Variants in MAP7 observed in about 807,000 individuals in gnomAD.
MAP7 encodes microtubule associated protein 7.
In MAP7, 52 loss-of-function variants were observed where a neutral mutation model predicts 94.8. The ratio of observed to expected loss-of-function variants is 0.55; its 90% CI spans 0.44 to 0.69. The LOEUF is 0.69. Ranked by LOEUF, MAP7 falls within the 30% of genes least tolerant of loss-of-function variation. The probability of loss-of-function intolerance (pLI) is 0.00; values close to 1 mark genes in which losing one functional copy is unlikely to be tolerated. For missense variants in MAP7, 940 were observed against 964.6 expected, an observed-to-expected ratio of 0.97 and a Z score of 0.34; for synonymous variants, 350 against 357.0, an observed-to-expected ratio of 0.98 and a Z score of 0.22.
At chr6:136,504,177 A>G (rs952530083) in intron 1 of MAP7, among the ~76,000 whole-genome samples, 4 of 152,168 alleles carry the variant, frequency 2.6e-5, no homozygotes, top group Admixed American at 6.5e-5. Flanking sequence ...ATAGATATAT[A>G]TATGTGGTAA....
intron 3 of MAP7, among the ~76,000 whole-genome samples, chr6:136,399,344 T>C (rs866588828): frequency 6.6e-6 from 1 of 152,138 alleles, no homozygotes; most frequent in African/African-American, 2.4e-5. Flanking sequence ...TTAGATTCCT[T>C]TTCTTTTTCT....
intron 3 of MAP7, 115 bp downstream of exon 3, chr6:136,411,505 C>T (rs972330400): frequency 5.0e-6 from 4 of 806,710 alleles, no homozygotes; most frequent in Middle Eastern, 2.3e-4. Context: ...TTTATCATCA[C>T]ATACTAAATT....
intron 1 of MAP7, among the ~76,000 whole-genome samples, chr6:136,468,549 C>T (rs963419181): frequency 1.3e-5 from 2 of 152,216 alleles, no homozygotes; most frequent in East Asian, 1.9e-4. Flanking sequence ...AATATCATAG[C>T]TTAGCCTAGC....
chr6:136,388,265 T>C, intron 5 of MAP7, 128 bp downstream of exon 5: 1 of 739,666 alleles, frequency 1.4e-6, no homozygotes, highest in Non-Finnish European at 2.3e-6. Flanking sequence ...AGTGAAAGAT[T>C]CATTTCATTG....
rs187319834 is a variant in MAP7, at chr6:136,418,250, C to A, written c.166+3451G>T. On this transcript the variant is annotated intron_variant, in intron 2 of 17. Transcript: ENST00000354570. ...TTGTTTTTTGAGACAGAGTCTCGCT[C>A]TGTTGCCCAGGCTAGAGTATAGTGG... Among the ~76,000 whole-genome samples the A allele has an allele frequency of 4.6e-5, 7 of 152,352 alleles. No homozygotes were observed. In the East Asian group the frequency reaches 1.2e-3, roughly 25 times the overall value.
intron 1 of MAP7, among the ~76,000 whole-genome samples, chr6:136,500,339 T>C (rs1407231340): frequency 6.6e-6 from 1 of 152,250 alleles, no homozygotes; most frequent in Non-Finnish European, 1.5e-5. Context: ...AGTCTCAACA[T>C]TGATTCTTCA....
intron 1 of MAP7, among the ~76,000 whole-genome samples, chr6:136,528,595 T>G (rs1331638845): frequency 1.3e-5 from 2 of 152,256 alleles, no homozygotes; most frequent in African/African-American, 4.8e-5. Flanking sequence ...TACTTGAAAC[T>G]ACCTTTTGGT....
rs577630426 is a variant in MAP7, at chr6:136,400,164, C to T, written c.245-10647G>A. 5.8e-4 allele frequency among the ~76,000 whole-genome samples: 88 copies of T among 152,168 alleles called. 1 individual carries two copies. The highest frequency in any genetic ancestry group is 2.0e-3 in the African/African-American group (81 of 41,532). On this transcript the variant is annotated intron_variant, in intron 3 of 17. Transcript: ENST00000354570. ...GGGTGTGGTGGCTCACGCCTGTAAT[C>T]CCAGCACTTTGGGAGGCTGAGGCGG...
intron 3 of MAP7, among the ~76,000 whole-genome samples, chr6:136,403,877 G>A (rs560543882): frequency 7.9e-5 from 12 of 152,340 alleles, no homozygotes; most frequent in Non-Finnish European, 1.5e-4. Flanking sequence ...TCACTAAGAT[G>A]CATTTAGGTC....
chr6:136,364,943 T>C (rs979690001), intron 10 of MAP7: 1 of 152,250 alleles, frequency 6.6e-6, no homozygotes, highest in Non-Finnish European at 1.5e-5. Flanking sequence ...ATATGATAAA[T>C]GTTTGTTGTT....
chr6:136,398,487 T>C (rs1562354098), intron 3 of MAP7, among the ~76,000 whole-genome samples: 1 of 152,218 alleles, frequency 6.6e-6, no homozygotes, highest in Non-Finnish European at 1.5e-5. Flanking sequence ...CCAAATCTCA[T>C]CTTGAATTGT....
At chr6:136,417,408 G>A (rs567762472) in intron 2 of MAP7, among the ~76,000 whole-genome samples, 80 of 152,262 alleles carry the variant, frequency 5.3e-4, no homozygotes, top group Non-Finnish European at 8.7e-4. Context: ...CTGAGAGTAC[G>A]GTCATGCTAC....
chr6:136,364,465 C>T (rs1338009029), intron 10 of MAP7: 2 of 274,990 alleles, frequency 7.3e-6, no homozygotes, highest in Non-Finnish European at 1.4e-5. Flanking sequence ...TTGACTAAAC[C>T]TCTTTTGTAA....
chr6:136,513,987 C>T (rs1009466771), intron 1 of MAP7, among the ~76,000 whole-genome samples: 4 of 152,178 alleles, frequency 2.6e-5, no homozygotes, highest in South Asian at 2.1e-4. Context: ...ATGTCTCATT[C>T]GCTGGCTCTA....
chr6:136,514,580 C>CAAAAAAAAAAAAAAAAAAA (rs1046225937), intron 1 of MAP7, among the ~76,000 whole-genome samples: 4 of 49,054 alleles, frequency 8.2e-5, no homozygotes, highest in African/African-American at 2.6e-4. Context: ...GACTCTGTCT[C>CAAAAAAAAAAAAAAAAAAA]AAAAAAAAAA....
chr6:136,456,764 G>A lies in MAP7; in HGVS notation c.68-34965C>T, dbSNP rs868017928. Among the ~76,000 whole-genome samples the A allele has an allele frequency of 3.7e-3, 90 of 24,276 alleles. 1 individual carries two copies. The highest frequency in any genetic ancestry group is 4.9e-3 in the Non-Finnish European group (62 of 12,636). The allele number at this position is 24,276 out of a possible 152,430, so 15.9% of individuals were successfully genotyped here. ...AGGAGAAGGAGGAGGAGGAGGAGGA[G>A]GAGGAAGAAGAAGAAGAAGAAGAAG... On this transcript the variant is annotated intron_variant, in intron 1 of 17. Transcript: ENST00000354570.
chr6:136,542,719 TA>T (rs71765404), intron 1 of MAP7, among the ~76,000 whole-genome samples: 101 of 145,252 alleles, frequency 7.0e-4, no homozygotes, highest in African/African-American at 1.3e-3. Context: ...GTGTTAAAAT[TA>T]AAAAAAAAAA....
intron 3 of MAP7, among the ~76,000 whole-genome samples, chr6:136,410,956 AAG>A (rs1412928457): frequency 2.0e-5 from 3 of 152,244 alleles, no homozygotes; most frequent in Non-Finnish European, 4.4e-5. Flanking sequence ...GGTATATTTC[AAG>A]AGAGTATCCT....
At chr6:136,529,398 G>A (rs548842926) in intron 1 of MAP7, among the ~76,000 whole-genome samples, 2 of 152,188 alleles carry the variant, frequency 1.3e-5, no homozygotes, top group South Asian at 2.1e-4. Flanking sequence ...GGGATTAAAG[G>A]TTATAAGCCA....
Sources: allele counts gnomAD v4.1 joint callset (sites outside exome capture counted in the v4.1 genomes callset), GRCh38; gene constraint gnomAD v4.1.1; transcripts MANE v1.5; gene names NCBI Gene and HGNC (gene_info 2026-07-23, HGNC 2026-07-21).